GNAO1: variants seen among roughly 807,000 people sequenced by gnomAD.
GNAO1 encodes G protein subunit alpha o1.
For missense variants in GNAO1, 166 were observed against 478.7 expected (o/e 0.35, Z 6.10); for synonymous variants, 164 against 180.7 (o/e 0.91, Z 0.74).
At position 56,244,292 on chromosome 16, in the gene GNAO1, T is replaced by G. The variant is rs199926565; in HGVS notation, c.162-31639T>G. 3.9e-5 allele frequency among the ~76,000 whole-genome samples: 6 copies of G among 151,984 alleles called. No homozygotes were observed. In the East Asian group the frequency reaches 1.2e-3, roughly 29 times the overall value. On this transcript the variant is annotated intron_variant, in intron 2 of 8. Coordinates refer to ENST00000262493, the MANE Select transcript of GNAO1 (RefSeq NM_020988.3). ...TTTCTTCCTCTTTTAAACCAAGTCT[T>G]AGGCTGGATAAAAGAGGGCCCCATC... is the stretch of plus-strand genomic sequence containing the variant.
intron 6 of GNAO1, among the ~76,000 whole-genome samples, chr16:56,341,788 T>A (rs899434167): frequency 1.2e-4 from 19 of 152,136 alleles, no homozygotes; most frequent in African/African-American, 4.6e-4. Flanking sequence ...CCAGAGCGGT[T>A]ACAGGGCCCC....
At chr16:56,344,516 C>T in intron 6 of GNAO1, 1 of 988,822 alleles carries the variant, frequency 1.0e-6, no homozygotes, top group Non-Finnish European at 1.2e-6. Context: ...CCCTGGGTCT[C>T]AGCCCTTCCT....
At chr16:56,237,457 A>G (rs1257991904) in intron 2 of GNAO1, among the ~76,000 whole-genome samples, 1 of 152,064 alleles carries the variant, frequency 6.6e-6, no homozygotes, top group Non-Finnish European at 1.5e-5. Context: ...GAGAAAGGAG[A>G]GGAAGGAGAG....
intron 3 of GNAO1, among the ~76,000 whole-genome samples, chr16:56,282,281 G>C (rs572056005): frequency 3.3e-5 from 5 of 152,156 alleles, no homozygotes; most frequent in African/African-American, 1.2e-4. Flanking sequence ...CATATCTGCC[G>C]TAAGAGTAAA....
chr16:56,325,197 C>G (rs2143639513), intron 3 of GNAO1, among the ~76,000 whole-genome samples: 1 of 152,358 alleles, frequency 6.6e-6, no homozygotes, highest in East Asian at 1.9e-4. Flanking sequence ...CTGCATGCAG[C>G]TGGGCGCTGT....
At chr16:56,193,892 T>C (rs1438504932) in intron 2 of GNAO1, 1 of 358,276 alleles carries the variant, frequency 2.8e-6, no homozygotes, top group Non-Finnish European at 5.5e-6. Flanking sequence ...GGGGTTGCTG[T>C]GCAGTAAACA....
At chr16:56,319,832 T>A (rs1404127524) in intron 3 of GNAO1, among the ~76,000 whole-genome samples, 3 of 151,968 alleles carry the variant, frequency 2.0e-5, no homozygotes, top group African/African-American at 7.3e-5. Context: ...CCCTGGGCCC[T>A]GTCTCCACAG....
At chr16:56,306,960 TGAG>T (rs1596855050) in intron 3 of GNAO1, 1 of 152,448 alleles carries the variant, frequency 6.6e-6, no homozygotes, top group Non-Finnish European at 1.5e-5. Flanking sequence ...GCTGTGCCTC[TGAG>T]GAGATCAGTG....
chr16:56,312,454 A>C (rs1425530717), intron 3 of GNAO1, among the ~76,000 whole-genome samples: 1 of 152,104 alleles, frequency 6.6e-6, no homozygotes, highest in East Asian at 1.9e-4. Flanking sequence ...TGTCTATCTG[A>C]GTCCCAAGGC....
chr16:56,295,627 T>C (rs913197941), intron 3 of GNAO1, among the ~76,000 whole-genome samples: 1 of 152,164 alleles, frequency 6.6e-6, no homozygotes, highest in Non-Finnish European at 1.5e-5. Flanking sequence ...CTCCTTCCCC[T>C]CCATGTCTCG....
chr16:56,244,428 G>A (rs902521012), intron 2 of GNAO1, among the ~76,000 whole-genome samples: 3 of 151,518 alleles, frequency 2.0e-5, no homozygotes, highest in Non-Finnish European at 4.4e-5. Context: ...GAGCATCTTT[G>A]CTCTTGGCTG....
intron 2 of GNAO1, among the ~76,000 whole-genome samples, chr16:56,224,856 C>T (rs1419373340): frequency 6.6e-6 from 1 of 152,204 alleles, no homozygotes; most frequent in Non-Finnish European, 1.5e-5. Flanking sequence ...CATCTGTAGC[C>T]CATCTGGACA....
chr16:56,316,517 G>T (rs142726272), intron 3 of GNAO1, among the ~76,000 whole-genome samples: 1 of 152,312 alleles, frequency 6.6e-6, no homozygotes, highest in African/African-American at 2.4e-5. Flanking sequence ...GGCTGCCAGA[G>T]CATCTGGTGC....
At chr16:56,289,560 C>T (rs16956272) in intron 3 of GNAO1, among the ~76,000 whole-genome samples, 31,970 of 152,124 alleles carry the variant, frequency 0.21, 3,732 homozygotes, top group East Asian at 0.42. Flanking sequence ...ATGAGCGGCC[C>T]CATGCAAAGC....
At chr16:56,319,122 A>G (rs1324411843) in intron 3 of GNAO1, among the ~76,000 whole-genome samples, 6 of 152,222 alleles carry the variant, frequency 3.9e-5, no homozygotes, top group African/African-American at 1.4e-4. Flanking sequence ...TATTTGCTGA[A>G]AAGCTTACAT....
rs113267178 is a variant in GNAO1 at position 56,326,066 on chromosome 16, T to G, written c.304-2565T>G. ...CACACCTGGTTCCCAGGGCCTGGCA[T>G]GGACTGGAAGCTGGCCTGGGCTCCA... On this transcript the variant is annotated intron_variant, in intron 3 of 8. Transcript: ENST00000262493. This position sits in a 1 kb window ranked among gnomAD's most constrained non-coding sequence, Gnocchi z 4.8. 2.0e-5 allele frequency among the ~76,000 whole-genome samples: 3 copies of G among 152,328 alleles called. No individual in the cohort carries two copies. Among genetic ancestry groups the G allele is most frequent in the African/African-American group, 7.2e-5 (3 of 41,586 alleles).
chr16:56,325,623 C>T (rs1282724475), intron 3 of GNAO1, among the ~76,000 whole-genome samples: 4 of 152,104 alleles, frequency 2.6e-5, no homozygotes. Flanking sequence ...AGGACTCGTG[C>T]GGTCTGAAAC....
At chr16:56,282,555 A>G (rs1278781267) in intron 3 of GNAO1, among the ~76,000 whole-genome samples, 1 of 152,236 alleles carries the variant, frequency 6.6e-6, no homozygotes, top group Non-Finnish European at 1.5e-5. Context: ...CATAAAGCCA[A>G]ACACCAACAC....
chr16:56,333,018 C>T (rs1300239167), intron 4 of GNAO1, among the ~76,000 whole-genome samples: 1 of 152,148 alleles, frequency 6.6e-6, no homozygotes, highest in Non-Finnish European at 1.5e-5. Context: ...TCTGCAGCCT[C>T]GGCTCTCTCA....
Sources: allele counts gnomAD v4.1 joint callset (sites outside exome capture counted in the v4.1 genomes callset), GRCh38; gene constraint gnomAD v4.1.1; non-coding constraint Gnocchi (gnomAD v3.1); transcripts MANE v1.5; gene names NCBI Gene and HGNC (gene_info 2026-07-23, HGNC 2026-07-21).